The following MYO3A variants were observed in gnomAD, a reference collection of about 807,000 sequenced individuals.
The protein encoded by MYO3A is myosin-IIIa.
A neutral mutation model predicts 192.7 loss-of-function variants in MYO3A; 180 were observed. That is an observed-to-expected ratio of 0.93 (90% confidence interval 0.83 to 1.06). The LOEUF is 1.06. MYO3A is among the 50% of genes least tolerant of loss of function. MYO3A has a pLI of 0.00. For missense variants in MYO3A, 1,896 were observed against 1,905.0 expected (o/e 1.00, Z 0.09); for synonymous variants, 628 against 645.3 (o/e 0.97, Z 0.41).
At chr10:25,993,602 G>T (rs961489009) in intron 4 of MYO3A, among the ~76,000 whole-genome samples, 5 of 152,144 alleles carry the variant, frequency 3.3e-5, no homozygotes, top group African/African-American at 1.2e-4. Flanking sequence ...TAATTGTGAT[G>T]TTAGGGTGTC....
chr10:26,205,764 C>T (rs1843901823), intron 34 of MYO3A, among the ~76,000 whole-genome samples: 1 of 151,006 alleles, frequency 6.6e-6, no homozygotes, highest in African/African-American at 2.4e-5. Context: ...CTACAGGCAC[C>T]CGCCATCACT....
At chr10:26,130,758 T>A (rs952251490) in intron 20 of MYO3A, among the ~76,000 whole-genome samples, 7 of 152,256 alleles carry the variant, frequency 4.6e-5, no homozygotes, top group African/African-American at 9.6e-5. Context: ...ACAGAATTAG[T>A]CAATGACTCT....
chr10:26,062,515 C>CA (rs573334201), intron 10 of MYO3A, among the ~76,000 whole-genome samples: 6,290 of 42,122 alleles, frequency 0.15, 308 homozygotes, highest in Non-Finnish European at 0.19. Context: ...GATGCCATCT[C>CA]AAAAAAAAAA....
intron 17 of MYO3A, among the ~76,000 whole-genome samples, chr10:26,101,121 T>G (rs1162258851): frequency 6.6e-6 from 1 of 152,264 alleles, no homozygotes; most frequent in Non-Finnish European, 1.5e-5. Context: ...TAGCTCTTCT[T>G]ATTGAATTGA....
chr10:26,100,722 A>G (rs1233609787), intron 17 of MYO3A, among the ~76,000 whole-genome samples: 3 of 152,134 alleles, frequency 2.0e-5, no homozygotes, highest in Non-Finnish European at 4.4e-5. Context: ...GAGTTTCTTA[A>G]TCCTGAGTTC....
At chr10:26,178,851 T>G (rs867267963) in intron 31 of MYO3A, among the ~76,000 whole-genome samples, 15 of 151,528 alleles carry the variant, frequency 9.9e-5, no homozygotes, top group East Asian at 2.0e-4. Context: ...ACCCAGGCTG[T>G]AGTGCAGTGG....
At chr10:26,047,343 A>T (rs2131263197) in intron 10 of MYO3A, among the ~76,000 whole-genome samples, 1 of 152,368 alleles carries the variant, frequency 6.6e-6, no homozygotes, top group South Asian at 2.1e-4. Context: ...CATATAACCT[A>T]AAGGGTTATC....
intron 4 of MYO3A, among the ~76,000 whole-genome samples, chr10:25,971,824 C>T (rs1348793978): frequency 2.0e-5 from 3 of 151,956 alleles, no homozygotes; most frequent in Admixed American, 2.0e-4. Flanking sequence ...GCTTGGACCT[C>T]TTTGCATTTA....
chr10:25,983,720 A>G (rs537158941), intron 4 of MYO3A, among the ~76,000 whole-genome samples: 37 of 152,360 alleles, frequency 2.4e-4, no homozygotes, highest in African/African-American at 8.7e-4. Flanking sequence ...CAGCCTTGCT[A>G]GAGATCTAGC....
chr10:26,015,060 G>C (rs1447699977), intron 6 of MYO3A, among the ~76,000 whole-genome samples: 1 of 152,188 alleles, frequency 6.6e-6, no homozygotes, highest in Admixed American at 6.5e-5. Flanking sequence ...AGGAAGCCTT[G>C]TTGGACAGAA....
chr10:26,038,907 A>T (rs1433531736), intron 10 of MYO3A, among the ~76,000 whole-genome samples: 1 of 152,128 alleles, frequency 6.6e-6, no homozygotes, highest in African/African-American at 2.4e-5. Flanking sequence ...TTAATTTTTC[A>T]CATGGTTTTT....
chr10:26,159,636 C>T (rs2131952693), intron 26 of MYO3A, among the ~76,000 whole-genome samples: 1 of 152,300 alleles, frequency 6.6e-6, no homozygotes, highest in East Asian at 1.9e-4. Context: ...GCCTCGGCCT[C>T]CCAAAGTGCT....
intron 10 of MYO3A, among the ~76,000 whole-genome samples, chr10:26,043,307 A>C (rs531360606): frequency 6.6e-6 from 1 of 150,790 alleles, no homozygotes; most frequent in Non-Finnish European, 1.5e-5. Context: ...TGTAACCACT[A>C]CCTGGCTACT....
rs557049568 is a variant in MYO3A, at chr10:25,937,722, G to A, written c.-18+1892G>A. On this transcript the variant is annotated intron_variant, in intron 2 of 34. Coordinates refer to ENST00000642920, the MANE Select transcript of MYO3A (RefSeq NM_017433.5). ...AGAAGTACTTTTATCCTCATAAAGGGAGAAAATGAATGGTGGAGAACGGAA... is the reference window on the plus strand; with the variant it reads ...AGAAGTACTTTTATCCTCATAAAGGAAGAAAATGAATGGTGGAGAACGGAA... 2.0e-5 allele frequency among the ~76,000 whole-genome samples: 3 copies of A among 149,532 alleles called. No individual in the cohort carries two copies. The South Asian group carries it at 6.2e-4, about 31-fold the overall frequency.
intron 4 of MYO3A, among the ~76,000 whole-genome samples, chr10:25,994,890 G>A (rs1304932916): frequency 6.6e-6 from 1 of 152,184 alleles, no homozygotes; most frequent in Non-Finnish European, 1.5e-5. Flanking sequence ...CTGTTAGTCT[G>A]ATGGGCTTCC....
chr10:25,989,261 CTT>C (rs761028666), intron 4 of MYO3A, among the ~76,000 whole-genome samples: 26 of 135,014 alleles, frequency 1.9e-4, no homozygotes, highest in Admixed American at 2.9e-4. Flanking sequence ...AGTTTTTTGG[CTT>C]TTTTTTTTTT....
In MYO3A at chr10:26,173,886, G is replaced by A. The variant is rs931336485; in HGVS notation, c.3622G>A (p.Gly1208Arg). The change falls in exon 30 of 35, where the codon GGG becomes AGG. Residue 1208 changes from glycine (G) to arginine (R), a missense_variant. By Grantham distance (125) the Gly-to-Arg change is moderately radical. Transcript: ENST00000642920. ...EEVKQEFYLV[G>R]PEVSPKQKSV... The stretch of plus-strand genomic sequence containing the variant: ...GGTTAAGCAAGAATTCTACCTTGTA[G>A]GGCCAGAAGTAAGCCCCAAACAGAA... The A allele has an allele frequency of 2.5e-6, 4 of 1,613,844 alleles. No homozygotes were observed. The African/African-American group carries it at 5.3e-5, about 22-fold the overall frequency.
chr10:26,120,878 C>T (rs1056481139), intron 18 of MYO3A, 76 bp downstream of exon 18: 15 of 1,539,260 alleles, frequency 9.7e-6, no homozygotes, highest in Non-Finnish European at 1.2e-5. Context: ...ACATAAGGAC[C>T]ATTTCAAGCA....
chr10:26,170,894 GC>G (rs1842015923), intron 29 of MYO3A, among the ~76,000 whole-genome samples: 1 of 152,100 alleles, frequency 6.6e-6, no homozygotes, highest in African/African-American at 2.4e-5. Flanking sequence ...TATGCCATTG[GC>G]CCCTATGTCA....
Sources: allele counts gnomAD v4.1 joint callset (sites outside exome capture counted in the v4.1 genomes callset), GRCh38; gene constraint gnomAD v4.1.1; transcripts MANE v1.5; gene names NCBI Gene and HGNC (gene_info 2026-07-23, HGNC 2026-07-21).